CRPPA: variants seen among roughly 807,000 people sequenced by gnomAD.
CRPPA encodes CDP-L-ribitol pyrophosphorylase A, also known as D-ribitol-5-phosphate cytidylyltransferase.
CRPPA carries 43 observed loss-of-function variants against 52.0 expected under a neutral mutation model. The ratio of observed to expected loss-of-function variants is 0.83; its 90% CI spans 0.65 to 1.07. CRPPA has a LOEUF of 1.07. Ranked by LOEUF, CRPPA falls within the 50% of genes least tolerant of loss-of-function variation. CRPPA has a pLI of 0.00. For missense variants in CRPPA, 629 were observed against 551.7 expected (o/e 1.14, Z -1.40); for synonymous variants, 250 against 203.5 (o/e 1.23, Z -1.94).
chr7:16,163,405 G>C (rs1267241175), intron 9 of CRPPA, among the ~76,000 whole-genome samples: 1 of 151,080 alleles, frequency 6.6e-6, no homozygotes, highest in Non-Finnish European at 1.5e-5. Context: ...GAGCCTATGT[G>C]TGTCTTTGCA....
chr7:16,266,083 G>A (rs751989996), intron 6 of CRPPA: 11 of 152,330 alleles, frequency 7.2e-5, no homozygotes, highest in African/African-American at 1.9e-4. Context: ...AAGGGGTGTC[G>A]GGGAGGAACA....
intron 9 of CRPPA, among the ~76,000 whole-genome samples, chr7:16,141,603 T>A (rs1210713260): frequency 6.6e-6 from 1 of 152,200 alleles, no homozygotes; most frequent in Non-Finnish European, 1.5e-5. Context: ...GTAATTCTTA[T>A]CCTTCTCAAG....
chr7:16,101,811 AC>A (rs1216679542), intron 9 of CRPPA, among the ~76,000 whole-genome samples: 1 of 152,214 alleles, frequency 6.6e-6, no homozygotes, highest in Non-Finnish European at 1.5e-5. Flanking sequence ...AAGAGAGGAC[AC>A]AAACAGATGA....
chr7:16,322,192 T>G (rs569315821), intron 3 of CRPPA, among the ~76,000 whole-genome samples: 1 of 152,108 alleles, frequency 6.6e-6, no homozygotes, highest in Non-Finnish European at 1.5e-5. Flanking sequence ...ATACGTAATA[T>G]TGGCTTTGGA....
chr7:16,304,466 C>G (rs1219989632), intron 4 of CRPPA, among the ~76,000 whole-genome samples: 1 of 152,056 alleles, frequency 6.6e-6, no homozygotes, highest in East Asian at 1.9e-4. Flanking sequence ...CATAGTGACA[C>G]CCCGTCTCTA....
At chr7:16,199,349 CTTTG>C (rs1394384465) in intron 9 of CRPPA, among the ~76,000 whole-genome samples, 1 of 152,048 alleles carries the variant, frequency 6.6e-6, no homozygotes, top group Non-Finnish European at 1.5e-5. Context: ...CAATGTCTGC[CTTTG>C]TTTATCTTTA....
At chr7:16,102,837 A>G (rs1353599562) in intron 9 of CRPPA, among the ~76,000 whole-genome samples, 1 of 152,224 alleles carries the variant, frequency 6.6e-6, no homozygotes, top group African/African-American at 2.4e-5. Context: ...AGAAATAGGA[A>G]CACTTTTACA....
At chr7:16,418,708 C>G (rs1788253048) in intron 1 of CRPPA, among the ~76,000 whole-genome samples, 1 of 152,112 alleles carries the variant, frequency 6.6e-6, no homozygotes, top group African/African-American at 2.4e-5. Flanking sequence ...ATTCAATTAC[C>G]TCCACCTGAT....
At chr7:16,206,609 G>A (rs1241306330) in intron 9 of CRPPA, among the ~76,000 whole-genome samples, 1 of 151,756 alleles carries the variant, frequency 6.6e-6, no homozygotes, top group Non-Finnish European at 1.5e-5. Flanking sequence ...ATGATTACAA[G>A]GTAAAATTTT....
intron 9 of CRPPA, among the ~76,000 whole-genome samples, chr7:16,102,274 A>G (rs564589287): frequency 3.1e-4 from 47 of 152,262 alleles, no homozygotes; most frequent in African/African-American, 1.1e-3. Context: ...CTGAAACTGG[A>G]CCCCTTCCTT....
intron 9 of CRPPA, among the ~76,000 whole-genome samples, chr7:16,140,493 C>T (rs974147112): frequency 2.0e-5 from 3 of 152,098 alleles, no homozygotes; most frequent in Non-Finnish European, 4.4e-5. Context: ...AGAAGTATGG[C>T]GGTATATGCT....
intron 2 of CRPPA, among the ~76,000 whole-genome samples, chr7:16,378,649 T>C (rs1786979199): frequency 6.6e-6 from 1 of 151,662 alleles, no homozygotes; most frequent in Admixed American, 6.6e-5. Flanking sequence ...CTGGGTCAAA[T>C]GGTATTTCTA....
chr7:16,297,763 T>G (rs1784705288), intron 5 of CRPPA, among the ~76,000 whole-genome samples: 1 of 152,236 alleles, frequency 6.6e-6, no homozygotes, highest in African/African-American at 2.4e-5. Context: ...GCATCTTAAA[T>G]TTCACCTTGT....
chr7:16,212,940 A>G (rs1782190755), intron 9 of CRPPA, among the ~76,000 whole-genome samples: 2 of 152,258 alleles, frequency 1.3e-5, no homozygotes, highest in South Asian at 4.1e-4. Context: ...ATCCCTAAGC[A>G]TATAAAATGC....
At chr7:16,344,235 G>T (rs4537216) in intron 3 of CRPPA, among the ~76,000 whole-genome samples, 42,618 of 151,612 alleles carry the variant, frequency 0.28, 6,167 homozygotes, top group Admixed American at 0.33. Context: ...GCAGTCAAGA[G>T]AAACTGTCCT....
At chr7:16,336,703 G>C (rs995901907) in intron 3 of CRPPA, among the ~76,000 whole-genome samples, 4 of 152,146 alleles carry the variant, frequency 2.6e-5, no homozygotes, top group Non-Finnish European at 4.4e-5. Context: ...AGTGGTTGGA[G>C]TAAAAACTAA....
In CRPPA at chr7:16,387,084, TATACAC is replaced by T. The variant is rs1193404014; in HGVS notation, c.535-10849_535-10844del. 8.4e-3 allele frequency among the ~76,000 whole-genome samples: 299 copies of T among 35,394 alleles called. 2 individuals are homozygous for T. The highest frequency in any genetic ancestry group is 0.03 in the African/African-American group (242 of 7,950). The allele number at this position is 35,394 out of a possible 152,430, so 23.2% of individuals were successfully genotyped here. A position where few individuals can be genotyped will look rare whatever the true frequency, so the allele number is the denominator to read the frequency against. ...ATATATATATATATATATATATATA[TATACAC>T]ACATATATATATGTATATACACACA... On this transcript the variant is annotated intron_variant, in intron 2 of 9. Transcript: ENST00000407010.
chr7:16,089,576 G>T lies in CRPPA; in HGVS notation c.*2119C>A, dbSNP rs148625258. 399 of 228,226 alleles carry T rather than the reference G, an allele frequency of 1.7e-3. 6 individuals carry two copies. In the East Asian group the frequency reaches 0.02, roughly 11 times the overall value. 14.1% of individuals were successfully genotyped at this position (228,226 alleles called of 1,614,324 possible). On this transcript the variant is annotated 3_prime_UTR_variant, in exon 10 of 10. Coordinates refer to ENST00000407010, the MANE Select transcript of CRPPA (RefSeq NM_001101426.4). ...ACATGTAAGTATATACATATATATG[G>T]GTATACATGCATGTATATACATATA...
At chr7:16,214,786 C>T (rs1287299488) in intron 9 of CRPPA, among the ~76,000 whole-genome samples, 1 of 152,196 alleles carries the variant, frequency 6.6e-6, no homozygotes, top group Non-Finnish European at 1.5e-5. Context: ...GTTAGGATTA[C>T]AGGCGTGAGC....
Sources: gnomAD v4.1 joint callset for allele counts (sites outside exome capture counted in the v4.1 genomes callset) on GRCh38, gnomAD v4.1.1 for gene constraint, MANE v1.5 for transcripts, NCBI Gene and HGNC (gene_info 2026-07-23, HGNC 2026-07-21) for gene names.